The following POLA1 variants were observed in gnomAD, a reference collection of about 807,000 sequenced individuals.
POLA1 encodes DNA polymerase alpha catalytic subunit.
Under a neutral mutation model 124.0 loss-of-function variants are expected in POLA1, and 15 were observed. The observed-to-expected ratio is 0.12, with a 90% confidence interval of 0.08 to 0.19. POLA1 has a LOEUF of 0.19. Ranked by LOEUF, POLA1 falls within the 10% of genes least tolerant of loss-of-function variation. The probability of loss-of-function intolerance (pLI) is 1.00; values close to 1 mark genes in which losing one functional copy is unlikely to be tolerated. For synonymous variants in POLA1, 408 were observed against 389.4 expected, an observed-to-expected ratio of 1.05 and a Z score of -0.56; for missense variants, 886 against 1,103.4, an observed-to-expected ratio of 0.80 and a Z score of 2.79.
At chrX:24,778,453 ACTC>A (rs2045188511) in intron 26 of POLA1, among the ~76,000 whole-genome samples, 1 of 110,520 alleles carries the variant, frequency 9.0e-6, no homozygotes, top group African/African-American at 3.3e-5. Context: ...CTGGTCTTGA[ACTC>A]CTCACCTCAA....
intron 26 of POLA1, among the ~76,000 whole-genome samples, chrX:24,796,251 A>T (rs2045603740): frequency 9.0e-6 from 1 of 111,553 alleles, no homozygotes; most frequent in South Asian, 3.8e-4. Flanking sequence ...GTTAAGCCAC[A>T]GCTTGTAGTT....
At position 24,894,553 on chromosome X, in the gene POLA1, C is replaced by T. The variant is rs768300342; in HGVS notation, c.4164+6431C>T. Among the ~76,000 whole-genome samples, 31 of 112,030 alleles carry T rather than the reference C, an allele frequency of 2.8e-4. 1 individual carries two copies. Among genetic ancestry groups the T allele is most frequent in the Non-Finnish European group, 1.5e-4 (8 of 53,170 alleles). On this transcript the variant is annotated intron_variant, in intron 35 of 36. Transcript: ENST00000379068. ...GGGGCCATTTTCCCTCTGAAATTTACGGGGAATCCTTCCTTGCCTTTTCTA... is the reference window on the plus strand; with the variant it reads ...GGGGCCATTTTCCCTCTGAAATTTATGGGGAATCCTTCCTTGCCTTTTCTA...
intron 4 of POLA1, among the ~76,000 whole-genome samples, chrX:24,707,433 C>T (rs1032104013): frequency 1.3e-4 from 15 of 111,652 alleles, no homozygotes; most frequent in Non-Finnish European, 2.1e-4. Context: ...TTATCTCTTC[C>T]GAGTAATAAG....
intron 35 of POLA1, among the ~76,000 whole-genome samples, chrX:24,905,011 A>G (rs2047341991): frequency 9.8e-6 from 1 of 101,828 alleles, no homozygotes; most frequent in African/African-American, 3.9e-5. Flanking sequence ...GCAACAGAGC[A>G]AGACTCTGTC....
chrX:24,783,698 C>T (rs1287080534), intron 26 of POLA1, among the ~76,000 whole-genome samples: 1 of 111,742 alleles, frequency 8.9e-6, no homozygotes, highest in Non-Finnish European at 1.9e-5. Context: ...TTTTAGTCTC[C>T]ACACCATTCT....
At position 24,737,797 on chromosome X, in the gene POLA1, C is replaced by A. The variant is rs187780055; in HGVS notation, c.2040+56C>A. ...TATTTATTTTAATTTGGGATAGCTA[C>A]CAAGGAACACACTATACTTTTTAAA... On this transcript the variant is annotated intron_variant, in intron 19 of 36. Transcript: ENST00000379068. 4.5e-4 allele frequency: 246 copies of A among 546,151 alleles called. No homozygotes were observed. In the East Asian group the frequency reaches 8.1e-3, roughly 18 times the overall value. 45.0% of individuals were successfully genotyped at this position (546,151 alleles called of 1,213,427 possible). A position where few individuals can be genotyped will look rare whatever the true frequency, so the allele number is the denominator to read the frequency against.
rs1251042691 is a variant in POLA1 at position 24,719,504 on chromosome X, GGCA to G, written c.1087+1747_1087+1749del. Among the ~76,000 whole-genome samples the G allele has an allele frequency of 4.5e-5, 5 of 111,574 alleles. No homozygotes were observed. In the East Asian group the frequency reaches 1.4e-3, roughly 31 times the overall value. ...TATTTTGTTACTCTGCTGGAAGTCTGGCAAGTATGATTACATGAGGCTAAGCAG... is the reference window on the plus strand; with the variant it reads ...TATTTTGTTACTCTGCTGGAAGTCTGAGTATGATTACATGAGGCTAAGCAG... On this transcript the variant is annotated intron_variant, in intron 10 of 36. Transcript: ENST00000379068.
intron 26 of POLA1, among the ~76,000 whole-genome samples, chrX:24,792,982 T>A (rs2045532787): frequency 9.0e-6 from 1 of 110,744 alleles, no homozygotes; most frequent in African/African-American, 3.3e-5. Context: ...TCACAGCATA[T>A]CTTCTTATTT....
At chrX:24,827,326 G>C (rs755127903) in intron 32 of POLA1, among the ~76,000 whole-genome samples, 10 of 112,226 alleles carry the variant, frequency 8.9e-5, no homozygotes, top group Admixed American at 6.6e-4. Flanking sequence ...GAGTTACATT[G>C]CTTTTAAGGC....
intron 36 of POLA1, among the ~76,000 whole-genome samples, chrX:24,989,739 A>G (rs1470690633): frequency 9.2e-6 from 1 of 108,383 alleles, no homozygotes; most frequent in East Asian, 2.9e-4. Flanking sequence ...TGCGAATTGC[A>G]GTAATAGCCA....
chrX:24,821,078 A>G (rs765393824), intron 30 of POLA1, among the ~76,000 whole-genome samples: 33 of 112,250 alleles, frequency 2.9e-4, no homozygotes, highest in Non-Finnish European at 5.1e-4. Flanking sequence ...ACAATCATTA[A>G]GTCAGAGTAG....
At chrX:24,975,066 C>T (rs1346867724) in intron 36 of POLA1, among the ~76,000 whole-genome samples, 3 of 112,441 alleles carry the variant, frequency 2.7e-5, no homozygotes, top group African/African-American at 9.7e-5. Flanking sequence ...GGCTGGAGTG[C>T]AGTGACATGA....
chrX:24,772,831 A>G (rs902576700), intron 26 of POLA1, among the ~76,000 whole-genome samples: 2 of 111,871 alleles, frequency 1.8e-5, no homozygotes, highest in Non-Finnish European at 3.8e-5. Flanking sequence ...CCATTACTGG[A>G]TATATACCAA....
At chrX:24,723,538 C>G (rs1324696301) in intron 11 of POLA1, among the ~76,000 whole-genome samples, 1 of 112,607 alleles carries the variant, frequency 8.9e-6, no homozygotes, top group Non-Finnish European at 1.9e-5. Context: ...TCTCTCACTC[C>G]TCATTTCCAT....
At chrX:24,819,334 T>C (rs1213641841) in intron 30 of POLA1, among the ~76,000 whole-genome samples, 1 of 112,145 alleles carries the variant, frequency 8.9e-6, no homozygotes, top group African/African-American at 3.2e-5. Context: ...CTTGAAAGCT[T>C]GAATTTTATC....
chrX:24,819,281 C>T (rs897376356), intron 30 of POLA1, among the ~76,000 whole-genome samples: 3 of 111,795 alleles, frequency 2.7e-5, no homozygotes, highest in South Asian at 7.4e-4. Flanking sequence ...GGAAGCTTTC[C>T]GGCTCACAGA....
chrX:24,798,803 T>C (rs2045656885), intron 26 of POLA1, among the ~76,000 whole-genome samples: 1 of 111,413 alleles, frequency 9.0e-6, no homozygotes, highest in South Asian at 3.8e-4. Context: ...CTGTATTTAT[T>C]CTAGAGTCAT....
intron 34 of POLA1, among the ~76,000 whole-genome samples, chrX:24,880,583 G>C (rs1472955106): frequency 8.9e-6 from 1 of 111,890 alleles, no homozygotes; most frequent in African/African-American, 3.2e-5. Flanking sequence ...TTCCCCTGGA[G>C]ATCTTAGGGA....
chrX:24,957,515 C>T (rs1645324147), intron 36 of POLA1, among the ~76,000 whole-genome samples: 1 of 111,004 alleles, frequency 9.0e-6, no homozygotes, highest in Admixed American at 9.6e-5. Flanking sequence ...GTACCACGCT[C>T]AAGGTGATGT....
Sources: allele counts gnomAD v4.1 joint callset (sites outside exome capture counted in the v4.1 genomes callset), GRCh38; gene constraint gnomAD v4.1.1; transcripts MANE v1.5; gene names NCBI Gene and HGNC (gene_info 2026-07-23, HGNC 2026-07-21).